The following GLI2 variants were observed in gnomAD, a reference collection of about 807,000 sequenced individuals.
GLI2 encodes the protein GLI family zinc finger 2.
In GLI2, 22 loss-of-function variants were observed where a neutral mutation model predicts 78.9. That is an observed-to-expected ratio of 0.28 (90% CI 0.20 to 0.40). The LOEUF (loss-of-function observed/expected upper bound fraction) is 0.40, where lower values mean the gene tolerates loss of function less well. Ranked by LOEUF, GLI2 falls within the 10% of genes least tolerant of loss-of-function variation. The pLI is 1.00. For missense variants in GLI2, 2,097 were observed against 2,213.2 expected (o/e 0.95, Z 1.05); for synonymous variants, 974 against 963.7 (o/e 1.01, Z -0.20).
chr2:120,753,516 G>C (rs1183813880), intron 1 of GLI2, among the ~76,000 whole-genome samples: 1 of 152,106 alleles, frequency 6.6e-6, no homozygotes. Context: ...GTATTTTCCT[G>C]TGTGTTTGTT....
At chr2:120,842,159 C>T (rs1190410112) in intron 2 of GLI2, among the ~76,000 whole-genome samples, 2 of 151,722 alleles carry the variant, frequency 1.3e-5, no homozygotes, top group African/African-American at 4.8e-5. Context: ...GAAAAATCTC[C>T]CTCTCAGCCA....
chr2:120,911,833 T>G lies in GLI2; in HGVS notation c.149-15528T>G, dbSNP rs544375450. On this transcript the variant is annotated intron_variant, in intron 2 of 13. Transcript: ENST00000361492. ...GCATGATGAGGATGAGGGGGTGTGG[T>G]GGGGAGGGGCTTTCTAGGCAGGGTG... Among the ~76,000 whole-genome samples the G allele has an allele frequency of 2.3e-4, 33 of 141,916 alleles. 1 individual carries two copies. In the East Asian group the frequency reaches 4.9e-3, roughly 21 times the overall value. 93.1% of individuals were successfully genotyped at this position (141,916 alleles called of 152,430 possible). A position where few individuals can be genotyped will look rare whatever the true frequency, so the allele number is the denominator to read the frequency against.
chr2:120,827,499 CAG>C (rs1686139037), intron 2 of GLI2, among the ~76,000 whole-genome samples: 1 of 152,208 alleles, frequency 6.6e-6, no homozygotes, highest in Non-Finnish European at 1.5e-5. Context: ...GAAAATGAAA[CAG>C]AATTACCTTA....
chr2:120,791,855 G>A (rs562802617), intron 1 of GLI2, among the ~76,000 whole-genome samples: 1 of 152,264 alleles, frequency 6.6e-6, no homozygotes, highest in East Asian at 1.9e-4. Flanking sequence ...CCTGCGTGCA[G>A]GTGTATGCAT....
chr2:120,808,355 C>T (rs1230770846), intron 2 of GLI2, among the ~76,000 whole-genome samples: 1 of 152,174 alleles, frequency 6.6e-6, no homozygotes, highest in Non-Finnish European at 1.5e-5. Flanking sequence ...TTGCTGTCAC[C>T]TTACCTCTGG....
intron 5 of GLI2, among the ~76,000 whole-genome samples, chr2:120,958,595 C>T (rs1681391668): frequency 6.6e-6 from 1 of 152,194 alleles, no homozygotes; most frequent in Non-Finnish European, 1.5e-5. Context: ...TTCTAGCCCC[C>T]TCAGGATAAA....
intron 1 of GLI2, among the ~76,000 whole-genome samples, chr2:120,749,469 G>C (rs187108497): frequency 2.9e-3 from 441 of 152,318 alleles, no homozygotes; most frequent in Non-Finnish European, 4.7e-3. Flanking sequence ...AGAGATCTTA[G>C]GTGGGAGGCA....
rs145553044 is a variant in GLI2 at position 120,791,460 on chromosome 2, C to T, written c.-30-5831C>T. ...GTCCTCAGGGCCTCAGGCCGTGAGT[C>T]GGCTGCTTCCCTTTTAGCTGTCATG... On this transcript the variant is annotated intron_variant, in intron 1 of 13. Transcript: ENST00000361492. Among the ~76,000 whole-genome samples, 742 of 152,330 alleles carry T rather than the reference C, an allele frequency of 4.9e-3. 5 individuals carry two copies. The highest frequency in any genetic ancestry group is 7.9e-3 in the Non-Finnish European group (539 of 68,028).
chr2:120,827,877 G>A (rs539901752), intron 2 of GLI2, among the ~76,000 whole-genome samples: 129 of 152,318 alleles, frequency 8.5e-4, no homozygotes, highest in Admixed American at 1.6e-3. Context: ...GGGGCCGGAG[G>A]GAGGAAGGAG....
At position 120,951,385 on chromosome 2, in the gene GLI2, G is replaced by T; in HGVS notation, c.397G>T (p.Val133Leu). Residue 133 changes from valine (V) to leucine (L), a missense_variant, in exon 4 of 14, where the codon GTG (valine) becomes TTG (leucine). This residue lies in a region of GLI2 where 578 missense variants were observed against 612.0 expected (regional missense o/e 0.94). Coordinates refer to ENST00000361492, the MANE Select transcript of GLI2 (RefSeq NM_001374353.1). ...NPHMEHYLRS[V>L]HSSPTLSMIS... ...CCACATGGAGCACTACCTCCGTTCT[G>T]TGCACAGCAGCCCCACGCTCTCCAT... The T allele has an allele frequency of 1.2e-6, 2 of 1,613,158 alleles. No homozygotes were observed. The highest frequency in any genetic ancestry group is 8.5e-7 in the Non-Finnish European group (1 of 1,179,240).
At chr2:120,766,058 C>G (rs1269395963) in intron 1 of GLI2, among the ~76,000 whole-genome samples, 1 of 152,202 alleles carries the variant, frequency 6.6e-6, no homozygotes, top group Admixed American at 6.5e-5. Context: ...CCCAGCTCCC[C>G]TCTCGCGTGG....
intron 2 of GLI2, among the ~76,000 whole-genome samples, chr2:120,825,710 C>T (rs535341344): frequency 6.6e-6 from 1 of 152,352 alleles, no homozygotes; most frequent in South Asian, 2.1e-4. Context: ...CTGCTCCTTC[C>T]AGGAAAGCTG....
At chr2:120,738,842 T>G (rs1682443411) in intron 1 of GLI2, among the ~76,000 whole-genome samples, 1 of 152,218 alleles carries the variant, frequency 6.6e-6, no homozygotes, top group African/African-American at 2.4e-5. Context: ...CCAAACTCAT[T>G]CTGCTCTGGC....
chr2:120,889,449 C>T (rs1229388756), intron 2 of GLI2, among the ~76,000 whole-genome samples: 1 of 152,188 alleles, frequency 6.6e-6, no homozygotes, highest in Non-Finnish European at 1.5e-5. Flanking sequence ...AGACTTGATA[C>T]CATAAGCATG....
Position 120,988,655 on chromosome 2 carries a change from G to C in GLI2, c.2690G>C (p.Arg897Pro). Residue 897 changes from arginine (R) to proline (P), a missense_variant, in exon 14 of 14, where the codon CGG becomes CCG. Physicochemically the swap from Arg to Pro is moderately radical, Grantham distance 103 (BLOSUM62 -2). Coordinates refer to ENST00000361492, the MANE Select transcript of GLI2 (RefSeq NM_001374353.1). ...CCGGGCCTGGAGCGCATGAGCCTGC[G>C]GACCAGGCTGGCGCTGCTGGACGCG... ...PLPGLERMSLRTRLALLDAPE... is the reference protein window; with the variant it reads ...PLPGLERMSLPTRLALLDAPE... 7.1e-7 allele frequency: 1 copy of C among 1,411,374 alleles called. No homozygotes were observed. Among genetic ancestry groups the C allele is most frequent in the Non-Finnish European group, 9.2e-7 (1 of 1,086,074 alleles). 87.4% of individuals were successfully genotyped at this position (1,411,374 alleles called of 1,614,324 possible).
chr2:120,925,799 G>A (rs549848883), intron 2 of GLI2, among the ~76,000 whole-genome samples: 5 of 152,330 alleles, frequency 3.3e-5, no homozygotes, highest in Admixed American at 6.5e-5. Context: ...TGGGCCGGGC[G>A]TGGTGGCTCA....
intron 2 of GLI2, among the ~76,000 whole-genome samples, chr2:120,813,855 T>A (rs1685372457): frequency 2.0e-5 from 3 of 152,158 alleles, no homozygotes; most frequent in African/African-American, 7.2e-5. Context: ...TTTTCTAAGG[T>A]TACTTCAACT....
intron 2 of GLI2, among the ~76,000 whole-genome samples, chr2:120,915,385 C>T (rs1679042730): frequency 6.6e-6 from 1 of 152,148 alleles, no homozygotes; most frequent in South Asian, 2.1e-4. Flanking sequence ...CCACGTTTTT[C>T]CCCCAAGTGA....
intron 1 of GLI2, among the ~76,000 whole-genome samples, chr2:120,777,037 AGT>A (rs1683699785): frequency 1.3e-5 from 2 of 152,176 alleles, no homozygotes; most frequent in Non-Finnish European, 2.9e-5. Flanking sequence ...CGGTGCTGTC[AGT>A]GGAGCTGTGT....
Sources: gnomAD v4.1 joint callset for allele counts (sites outside exome capture counted in the v4.1 genomes callset) on GRCh38, gnomAD v4.1.1 for gene constraint, gnomAD v4.1.1 regional missense constraint, MANE v1.5 for transcripts, NCBI Gene and HGNC (gene_info 2026-07-23, HGNC 2026-07-21) for gene names.